Variants in ERC2 observed in about 807,000 individuals in gnomAD.
ERC2 encodes ERC protein 2.
In ERC2, 42 loss-of-function variants were observed where a neutral mutation model predicts 114.8. The ratio of observed to expected loss-of-function variants is 0.37; its 90% CI spans 0.29 to 0.47. The LOEUF (loss-of-function observed/expected upper bound fraction) is 0.47, where lower values mean the gene tolerates loss of function less well. ERC2 is among the 20% of genes least tolerant of loss of function. ERC2 has a pLI of 0.99. For missense variants in ERC2, 939 were observed against 1,150.7 expected, an observed-to-expected ratio of 0.82 and a Z score of 2.66; for synonymous variants, 454 against 425.5, an observed-to-expected ratio of 1.07 and a Z score of -0.82.
chr3:56,212,349 A>C (rs1237195074), intron 3 of ERC2, among the ~76,000 whole-genome samples: 2 of 152,226 alleles, frequency 1.3e-5, no homozygotes, highest in Non-Finnish European at 2.9e-5. Flanking sequence ...AATACATGAA[A>C]AAAATTCTCA....
rs542666180 is a variant in ERC2, at chr3:55,532,519, T to C, written c.*40-21243A>G. ...TAATGATGACGATACTTTTTGAGCA[T>C]GAACCAGGTGTCAAGTACAGTTTCT... On this transcript the variant is annotated intron_variant, in intron 17 of 17. Transcript: ENST00000288221. Among the ~76,000 whole-genome samples, 20 of 152,376 alleles carry C rather than the reference T, an allele frequency of 1.3e-4. No homozygotes were observed. In the South Asian group the frequency reaches 3.7e-3, roughly 28 times the overall value.
intron 17 of ERC2, among the ~76,000 whole-genome samples, chr3:55,538,952 A>AC (rs796277389): frequency 1.7e-4 from 26 of 152,314 alleles, no homozygotes; most frequent in African/African-American, 6.0e-4. Flanking sequence ...AAAGATCCAC[A>AC]CAATTGTGGA....
intron 14 of ERC2, among the ~76,000 whole-genome samples, chr3:55,759,462 TAAAAAAAAAAAAAAAAAAAAAA>T (rs540204065): frequency 2.8e-5 from 1 of 36,062 alleles, no homozygotes; most frequent in East Asian, 1.1e-3. Flanking sequence ...TCTCTTTCAT[TAAAAAAAAAAAAAAAAAAAAAA>T]AAAAAAAAAA....
chr3:55,606,004 A>G (rs1441467870), intron 17 of ERC2, among the ~76,000 whole-genome samples: 1 of 152,176 alleles, frequency 6.6e-6, no homozygotes, highest in East Asian at 1.9e-4. Context: ...GACCCAGGAG[A>G]GTTGAGTACA....
chr3:55,541,460 G>A (rs1354886445), intron 17 of ERC2, among the ~76,000 whole-genome samples: 1 of 152,180 alleles, frequency 6.6e-6, no homozygotes, highest in Non-Finnish European at 1.5e-5. Flanking sequence ...AGCCCTGGTG[G>A]TAGGGTTGAC....
intron 2 of ERC2, among the ~76,000 whole-genome samples, chr3:56,425,085 G>A (rs1414050342): frequency 6.6e-6 from 1 of 152,082 alleles, no homozygotes; most frequent in Non-Finnish European, 1.5e-5. Flanking sequence ...TTTTGTCTTG[G>A]AGCATCTGGT....
intron 17 of ERC2, among the ~76,000 whole-genome samples, chr3:55,563,443 T>G (rs1165213901): frequency 6.6e-6 from 1 of 152,112 alleles, no homozygotes; most frequent in African/African-American, 2.4e-5. Flanking sequence ...CTAACTTACT[T>G]CTTCCCAGCC....
chr3:55,879,330 A>G (rs540021592), intron 14 of ERC2, among the ~76,000 whole-genome samples: 1 of 152,212 alleles, frequency 6.6e-6, no homozygotes, highest in African/African-American at 2.4e-5. Context: ...CTTTTGCACT[A>G]AAAGAAAAAT....
chr3:56,285,143 C>T (rs1234759985), intron 3 of ERC2, among the ~76,000 whole-genome samples: 1 of 146,978 alleles, frequency 6.8e-6, no homozygotes, highest in Non-Finnish European at 1.5e-5. Flanking sequence ...CTAGTTAAAT[C>T]CCCTGGAGTC....
chr3:55,792,531 G>GC (rs2070126229), intron 14 of ERC2, among the ~76,000 whole-genome samples: 2 of 152,046 alleles, frequency 1.3e-5, no homozygotes, highest in Non-Finnish European at 1.5e-5. Context: ...TTCACAATAG[G>GC]CCTTCAATAA....
intron 14 of ERC2, among the ~76,000 whole-genome samples, chr3:55,813,485 G>A (rs575761203): frequency 2.0e-5 from 3 of 152,188 alleles, no homozygotes; most frequent in Non-Finnish European, 4.4e-5. Context: ...CCTTGGTTCT[G>A]TGCTCGTTCC....
At chr3:55,733,536 TCTCTCTCACACA>T (rs1481240372) in intron 15 of ERC2, among the ~76,000 whole-genome samples, 1,314 of 68,590 alleles carry the variant, frequency 0.019, 31 homozygotes, top group South Asian at 0.12. Context: ...ATTCTTTCTC[TCTCTCTCACACA>T]CACACACACA....
chr3:56,056,319 T>C (rs1270332953), intron 7 of ERC2, among the ~76,000 whole-genome samples: 4 of 152,242 alleles, frequency 2.6e-5, no homozygotes, highest in Non-Finnish European at 5.9e-5. Context: ...TTGGTCTTTA[T>C]AGTTTCCTCA....
intron 15 of ERC2, among the ~76,000 whole-genome samples, chr3:55,703,263 A>C (rs150213529): frequency 1.3e-5 from 2 of 152,296 alleles, no homozygotes; most frequent in African/African-American, 4.8e-5. Flanking sequence ...ATGCTTAGGC[A>C]TCTCTTGCTA....
chr3:55,880,232 T>A (rs79117131), intron 14 of ERC2, among the ~76,000 whole-genome samples: 2 of 152,116 alleles, frequency 1.3e-5, no homozygotes, highest in Non-Finnish European at 2.9e-5. Flanking sequence ...GGAACGTGAG[T>A]CCCTAGTGAT....
At chr3:56,198,274 G>C (rs2048221751) in intron 3 of ERC2, among the ~76,000 whole-genome samples, 2 of 152,200 alleles carry the variant, frequency 1.3e-5, no homozygotes. Flanking sequence ...CTGTGCATAA[G>C]TTAGTTCAAT....
At chr3:55,732,021 T>A (rs980790933) in intron 15 of ERC2, among the ~76,000 whole-genome samples, 14 of 152,118 alleles carry the variant, frequency 9.2e-5, no homozygotes, top group African/African-American at 3.1e-4. Context: ...TGATGGGGTA[T>A]GTGTGGAATC....
At chr3:55,996,411 A>G (rs972344828) in intron 10 of ERC2, among the ~76,000 whole-genome samples, 1 of 152,176 alleles carries the variant, frequency 6.6e-6, no homozygotes, top group Non-Finnish European at 1.5e-5. Flanking sequence ...GCATTCTTTC[A>G]TTAATATAGA....
intron 3 of ERC2, among the ~76,000 whole-genome samples, chr3:56,211,999 A>G (rs528357055): frequency 6.6e-6 from 1 of 152,326 alleles, no homozygotes; most frequent in African/African-American, 2.4e-5. Context: ...ATTCTAGAAG[A>G]TAACATTGGA....
Sources: gnomAD v4.1 joint callset for allele counts (sites outside exome capture counted in the v4.1 genomes callset) on GRCh38, gnomAD v4.1.1 for gene constraint, MANE v1.5 for transcripts, NCBI Gene and HGNC (gene_info 2026-07-23, HGNC 2026-07-21) for gene names.